GRK5: variants seen among roughly 807,000 people sequenced by gnomAD.
GRK5 encodes g protein-coupled receptor kinase GRK5.
In GRK5, 40 loss-of-function variants were observed where a neutral mutation model predicts 78.4. The ratio of observed to expected loss-of-function variants is 0.51; its 90% CI spans 0.40 to 0.66. The LOEUF (loss-of-function observed/expected upper bound fraction) is 0.66. GRK5 is among the 30% of genes least tolerant of loss of function. The pLI is 0.00. For synonymous variants in GRK5, 289 were observed against 296.8 expected (o/e 0.97, Z 0.27); for missense variants, 598 against 759.9 (o/e 0.79, Z 2.50).
Position 119,419,237 on chromosome 10 carries a change from GC to G in GRK5, c.340-3926del, listed in dbSNP as rs542498066. Among the ~76,000 whole-genome samples, 109 of 152,340 alleles carry G rather than the reference GC, an allele frequency of 7.2e-4. 1 individual carries two copies. The highest frequency in any genetic ancestry group is 2.3e-3 in the African/African-American group (97 of 41,572). ...AGCTGAGGTTACTCAGAACCCCAGA[GC>G]CCTCTGAGCTTCTGGGTGCCTTGTT... On this transcript the variant is annotated intron_variant, in intron 4 of 15. Transcript: ENST00000392870.
chr10:119,410,383 G>T (rs1852316544), intron 4 of GRK5, among the ~76,000 whole-genome samples: 1 of 152,148 alleles, frequency 6.6e-6, no homozygotes, highest in African/African-American at 2.4e-5. Context: ...GAATAGCAAA[G>T]GAAATGTGGG....
At chr10:119,229,685 T>G (rs889549615) in intron 1 of GRK5, among the ~76,000 whole-genome samples, 1 of 152,144 alleles carries the variant, frequency 6.6e-6, no homozygotes, top group Non-Finnish European at 1.5e-5. Context: ...GTAATCTAAG[T>G]ACAGAGGCAG....
intron 2 of GRK5, among the ~76,000 whole-genome samples, chr10:119,354,710 G>A (rs1281322849): frequency 4.6e-5 from 7 of 152,104 alleles, no homozygotes; most frequent in Non-Finnish European, 1.0e-4. Context: ...CCATTTTTAA[G>A]GCTGAATAAT....
At chr10:119,298,961 A>G (rs1293409462) in intron 1 of GRK5, among the ~76,000 whole-genome samples, 1 of 151,772 alleles carries the variant, frequency 6.6e-6, no homozygotes, top group African/African-American at 2.4e-5. Context: ...TGCACATTCA[A>G]CCCTCCTTGA....
intron 1 of GRK5, among the ~76,000 whole-genome samples, chr10:119,285,135 A>G (rs1400100943): frequency 4.6e-5 from 7 of 152,190 alleles, no homozygotes; most frequent in Admixed American, 2.0e-4. Context: ...CATCAGACCT[A>G]TACATCATGG....
chr10:119,341,946 C>T (rs898390052), intron 2 of GRK5, among the ~76,000 whole-genome samples: 4 of 152,160 alleles, frequency 2.6e-5, no homozygotes, highest in African/African-American at 9.7e-5. Context: ...TTGCACCTCC[C>T]GCCAAGGGCA....
At chr10:119,348,524 C>T (rs555867182) in intron 2 of GRK5, among the ~76,000 whole-genome samples, 26 of 152,310 alleles carry the variant, frequency 1.7e-4, no homozygotes, top group African/African-American at 5.8e-4. Context: ...GCCCTGTAGA[C>T]CTTGAGGAAT....
At chr10:119,454,543 G>A (rs763699107) in intron 15 of GRK5, among the ~76,000 whole-genome samples, 40 of 152,174 alleles carry the variant, frequency 2.6e-4, no homozygotes, top group Non-Finnish European at 1.6e-4. Context: ...GCCGGCCCTC[G>A]CTAGAGCCCT....
At chr10:119,304,227 C>T (rs1358418692) in intron 1 of GRK5, among the ~76,000 whole-genome samples, 1 of 151,534 alleles carries the variant, frequency 6.6e-6, no homozygotes, top group African/African-American at 2.4e-5. Context: ...AGGAAACCTC[C>T]ACCTGGAACC....
chr10:119,351,902 A>G (rs57174092), intron 2 of GRK5, among the ~76,000 whole-genome samples: 4,983 of 152,304 alleles, frequency 0.033, 157 homozygotes, highest in African/African-American at 0.084. Flanking sequence ...GGGAACTTGA[A>G]TTTGGATCCA....
intron 8 of GRK5, among the ~76,000 whole-genome samples, chr10:119,433,684 G>A (rs1852865183): frequency 6.6e-6 from 1 of 152,152 alleles, no homozygotes; most frequent in Admixed American, 6.5e-5. Flanking sequence ...TCCCAGCCTG[G>A]CCCACGATGG....
intron 1 of GRK5, among the ~76,000 whole-genome samples, chr10:119,259,639 T>C (rs1849341319): frequency 2.0e-5 from 3 of 152,152 alleles, no homozygotes; most frequent in South Asian, 2.1e-4. Flanking sequence ...GGGAAGTGGG[T>C]CAGAGAGTTC....
At chr10:119,342,093 C>A (rs1364061878) in intron 2 of GRK5, among the ~76,000 whole-genome samples, 1 of 152,204 alleles carries the variant, frequency 6.6e-6, no homozygotes, top group African/African-American at 2.4e-5. Context: ...ACTGGTCAGG[C>A]GAGATGGGCA....
intron 1 of GRK5, among the ~76,000 whole-genome samples, chr10:119,211,282 G>A (rs1848482293): frequency 6.6e-6 from 1 of 152,200 alleles, no homozygotes; most frequent in African/African-American, 2.4e-5. Flanking sequence ...ATGGGAATGA[G>A]CTAAGTGATT....
At chr10:119,251,537 T>C (rs1849201865) in intron 1 of GRK5, among the ~76,000 whole-genome samples, 1 of 152,248 alleles carries the variant, frequency 6.6e-6, no homozygotes, top group Admixed American at 6.5e-5. Flanking sequence ...AGCCCAGGCT[T>C]CCATTCTGAC....
intron 4 of GRK5, among the ~76,000 whole-genome samples, chr10:119,414,878 T>C (rs543057881): frequency 6.6e-6 from 1 of 151,986 alleles, no homozygotes; most frequent in African/African-American, 2.4e-5. Context: ...GGCCAGGAGT[T>C]TGAGACCAGC....
At position 119,431,504 on chromosome 10, in the gene GRK5, GAGA is replaced by G; in HGVS notation, c.718_720del (p.Lys240del). ...GGCCCTCAATGAGAAGCAGATCCTCGAGAAGGTCAACAGTCAGTTTGTGGTGAG... is the reference window on the plus strand; with the variant it reads ...GGCCCTCAATGAGAAGCAGATCCTCGAGGTCAACAGTCAGTTTGTGGTGAG... On this transcript the variant is annotated inframe_deletion, in exon 8 of 16. Transcript: ENST00000392870. The surrounding 1 kb of genome is among the most constrained non-coding windows in gnomAD (Gnocchi z 4.8). The G allele has an allele frequency of 1.2e-6, 2 of 1,613,782 alleles. No homozygotes were observed. The highest frequency in any genetic ancestry group is 1.7e-6 in the Non-Finnish European group (2 of 1,179,816).
intron 4 of GRK5, among the ~76,000 whole-genome samples, chr10:119,400,426 A>G (rs1369139959): frequency 6.6e-6 from 1 of 152,198 alleles, no homozygotes; most frequent in Non-Finnish European, 1.5e-5. Flanking sequence ...TGTAATTGGC[A>G]GAATTGTGGG....
At chr10:119,280,308 G>A (rs1341413817) in intron 1 of GRK5, among the ~76,000 whole-genome samples, 3 of 152,186 alleles carry the variant, frequency 2.0e-5, no homozygotes, top group East Asian at 1.9e-4. Context: ...TAACACACAC[G>A]GAATCAATTC....
Sources: gnomAD v4.1 joint callset for allele counts (sites outside exome capture counted in the v4.1 genomes callset) on GRCh38, gnomAD v4.1.1 for gene constraint, Gnocchi (gnomAD v3.1) non-coding constraint, MANE v1.5 for transcripts, NCBI Gene and HGNC (gene_info 2026-07-23, HGNC 2026-07-21) for gene names.